DIS3L2: variants seen among roughly 807,000 people sequenced by gnomAD.
DIS3L2 encodes the protein DIS3 like 3'-5' exoribonuclease 2, also known as DIS3-like exonuclease 2.
DIS3L2 carries 34 observed loss-of-function variants against 97.5 expected under a neutral mutation model. That is an observed-to-expected ratio of 0.35 (90% CI 0.27 to 0.46). The LOEUF (loss-of-function observed/expected upper bound fraction) is 0.46. Among genes scored for constraint, DIS3L2 ranks in the 20% least tolerant of loss-of-function variants. The pLI is 1.00. For synonymous variants in DIS3L2, 435 were observed against 445.2 expected (o/e 0.98, Z 0.29); for missense variants, 1,038 against 1,146.0 (o/e 0.91, Z 1.36).
chr2:232,239,074 T>C (rs1693011585), intron 11 of DIS3L2, among the ~76,000 whole-genome samples: 1 of 152,174 alleles, frequency 6.6e-6, no homozygotes, highest in Admixed American at 6.5e-5. Flanking sequence ...GCCAATCTGG[T>C]CCTGACCTGC....
chr2:232,002,099 C>T (rs1295865234), intron 1 of DIS3L2, among the ~76,000 whole-genome samples: 2 of 152,296 alleles, frequency 1.3e-5, no homozygotes, highest in Non-Finnish European at 1.5e-5. Flanking sequence ...AATAGAAATC[C>T]GGTTCTCTCG....
chr2:232,241,623 A>C (rs946358562), intron 11 of DIS3L2, among the ~76,000 whole-genome samples: 8 of 152,216 alleles, frequency 5.3e-5, no homozygotes, highest in Admixed American at 2.6e-4. Flanking sequence ...AAATTTAGGT[A>C]GTGTCCATTT....
At chr2:232,172,560 T>C (rs936899556) in intron 9 of DIS3L2, 1 of 403,866 alleles carries the variant, frequency 2.5e-6, no homozygotes, top group Non-Finnish European at 5.2e-6. Flanking sequence ...TTTGGGTTGA[T>C]TCCCCAGCTT....
intron 14 of DIS3L2, among the ~76,000 whole-genome samples, chr2:232,310,293 C>T (rs1049948346): frequency 6.6e-6 from 1 of 152,160 alleles, no homozygotes; most frequent in East Asian, 1.9e-4. Context: ...AGGTGCCAGG[C>T]GTGAGCTCAT....
At position 232,210,386 on chromosome 2, in the gene DIS3L2, C is replaced by T. The variant is rs1692154512; in HGVS notation, c.1185C>T (p.Ser395=). 2 of 1,613,456 alleles carry T rather than the reference C, an allele frequency of 1.2e-6. No homozygotes were observed. The highest frequency in any genetic ancestry group is 2.7e-5 in the African/African-American group (2 of 74,936). Residue 395 remains serine (S), a synonymous_variant, in exon 10 of 21, where the codon TCC becomes TCT. Coordinates refer to ENST00000325385, the MANE Select transcript of DIS3L2 (RefSeq NM_152383.5). ...CCCGAGACCTCGATGATGCCCTCTC[C>T]TGCAAGCCACTCGCTGACGGTAGGA... The part of the protein sequence containing the change: ...STARDLDDAL[S]CKPLADGNFK...
chr2:232,021,891 C>T (rs886133918), intron 3 of DIS3L2, among the ~76,000 whole-genome samples: 1 of 152,148 alleles, frequency 6.6e-6, no homozygotes, highest in Non-Finnish European at 1.5e-5. Context: ...CTTCAGGGAA[C>T]AGCCAGGTTT....
rs559097670 is a variant in DIS3L2 at position 232,191,360 on chromosome 2, G to A, written c.1125-18966G>A. Reference sequence around the variant, plus strand: ...CTTTCGAGGGTGGATTTAATTTTTGGAAGCAGCCAAGTTAATTCAGAGCCA... The same window carrying A: ...CTTTCGAGGGTGGATTTAATTTTTGAAAGCAGCCAAGTTAATTCAGAGCCA... On this transcript the variant is annotated intron_variant, in intron 9 of 20. Coordinates refer to ENST00000325385, the MANE Select transcript of DIS3L2 (RefSeq NM_152383.5). 4.6e-5 allele frequency among the ~76,000 whole-genome samples: 7 copies of A among 152,268 alleles called. No homozygotes were observed. The South Asian group carries it at 1.5e-3, about 32-fold the overall frequency.
At chr2:232,335,065 G>T in intron 19 of DIS3L2, 1 of 278,182 alleles carries the variant, frequency 3.6e-6, no homozygotes, top group African/African-American at 2.2e-5. Flanking sequence ...GTCCGTGGCC[G>T]CTTTGGAAAC....
intron 14 of DIS3L2, among the ~76,000 whole-genome samples, chr2:232,324,119 C>T (rs1334816441): frequency 2.0e-5 from 3 of 152,170 alleles, no homozygotes; most frequent in African/African-American, 7.2e-5. Flanking sequence ...TCACCTGCAC[C>T]CCATGGGTTG....
chr2:232,049,443 G>T (rs1695340274), intron 5 of DIS3L2, among the ~76,000 whole-genome samples: 1 of 152,154 alleles, frequency 6.6e-6, no homozygotes, highest in African/African-American at 2.4e-5. Context: ...TGAGGGTAGA[G>T]CCCTACTGAA....
chr2:232,180,357 G>A (rs1359412807), intron 9 of DIS3L2, among the ~76,000 whole-genome samples: 1 of 36,004 alleles, frequency 2.8e-5, no homozygotes, highest in Non-Finnish European at 6.4e-5. Flanking sequence ...TTCAATTCCT[G>A]GGTATCCTTG....
intron 5 of DIS3L2, among the ~76,000 whole-genome samples, chr2:232,068,851 CTCTG>C (rs753915312): frequency 1.6e-4 from 24 of 152,020 alleles, no homozygotes; most frequent in East Asian, 1.2e-3. Flanking sequence ...GACAGTCTCA[CTCTG>C]TCAGTCAGGC....
intron 1 of DIS3L2, among the ~76,000 whole-genome samples, chr2:232,006,286 C>A (rs895899674): frequency 6.6e-6 from 1 of 152,156 alleles, no homozygotes; most frequent in Non-Finnish European, 1.5e-5. Flanking sequence ...GAGTGAGAGA[C>A]CTGCTAAAAA....
At chr2:232,187,464 G>A (rs1176786388) in intron 9 of DIS3L2, among the ~76,000 whole-genome samples, 5 of 152,130 alleles carry the variant, frequency 3.3e-5, no homozygotes, top group African/African-American at 9.7e-5. Flanking sequence ...TATTTTTTAA[G>A]GTGGAGTCTT....
intron 6 of DIS3L2, among the ~76,000 whole-genome samples, chr2:232,114,852 A>G (rs921863618): frequency 2.6e-5 from 4 of 152,174 alleles, no homozygotes; most frequent in African/African-American, 4.8e-5. Context: ...AAACTGGGTA[A>G]TTTATTATGA....
At chr2:232,202,584 G>A (rs942640652) in intron 9 of DIS3L2, among the ~76,000 whole-genome samples, 4 of 152,182 alleles carry the variant, frequency 2.6e-5, no homozygotes, top group Non-Finnish European at 5.9e-5. Flanking sequence ...TTCTGCTAAC[G>A]CTTGAGTTGA....
In DIS3L2 at chr2:232,095,286, A is replaced by G. The variant is rs139663989; in HGVS notation, c.601+7565A>G. On this transcript the variant is annotated intron_variant, in intron 6 of 20. Coordinates refer to ENST00000325385, the MANE Select transcript of DIS3L2 (RefSeq NM_152383.5). Reference sequence around the variant, plus strand: ...AGTGATTTTTCTCTGGTAATATGATATAATTCTTGCTTTTTAATTTTTGTG... The same window carrying G: ...AGTGATTTTTCTCTGGTAATATGATGTAATTCTTGCTTTTTAATTTTTGTG... Among the ~76,000 whole-genome samples the G allele has an allele frequency of 2.6e-3, 393 of 152,230 alleles. 2 individuals carry two copies. Among genetic ancestry groups the G allele is most frequent in the African/African-American group, 8.8e-3 (367 of 41,546 alleles).
intron 14 of DIS3L2, among the ~76,000 whole-genome samples, chr2:232,314,479 G>A (rs1025256210): frequency 6.6e-6 from 1 of 152,006 alleles, no homozygotes; most frequent in Non-Finnish European, 1.5e-5. Flanking sequence ...TCCCTAGCCC[G>A]AGAATGCCCC....
intron 1 of DIS3L2, among the ~76,000 whole-genome samples, chr2:231,986,106 A>G (rs917681495): frequency 6.6e-6 from 1 of 152,210 alleles, no homozygotes; most frequent in South Asian, 2.1e-4. Context: ...TACTTACACC[A>G]GTGGTTTGCC....
Sources: gnomAD v4.1 joint callset for allele counts (sites outside exome capture counted in the v4.1 genomes callset) on GRCh38, gnomAD v4.1.1 for gene constraint, MANE v1.5 for transcripts, NCBI Gene and HGNC (gene_info 2026-07-23, HGNC 2026-07-21) for gene names.